Variants in MRPS5 observed in about 807,000 individuals in gnomAD.
MRPS5 encodes the protein mitochondrial ribosomal protein S5, also known as small ribosomal subunit protein uS5m.
A neutral mutation model predicts 51.9 loss-of-function variants in MRPS5; 27 were observed. The observed-to-expected ratio is 0.52, with a 90% CI of 0.38 to 0.72. The LOEUF is 0.72. Among genes scored for constraint, MRPS5 ranks in the 30% least tolerant of loss-of-function variants. The pLI is 0.00. For synonymous variants in MRPS5, 196 were observed against 193.2 expected (o/e 1.01, Z -0.12); for missense variants, 570 against 545.7 (o/e 1.04, Z -0.44).
chr2:95,105,466 C>T (rs564020647), intron 6 of MRPS5, among the ~76,000 whole-genome samples: 31 of 151,854 alleles, frequency 2.0e-4, no homozygotes, highest in South Asian at 8.3e-4. Context: ...AGGAGAATGG[C>T]GTCAACCCGG....
chr2:95,108,984 A>G (rs960261037), intron 4 of MRPS5, among the ~76,000 whole-genome samples: 5 of 152,050 alleles, frequency 3.3e-5, no homozygotes, highest in African/African-American at 1.2e-4. Context: ...ATGTATAAAT[A>G]CCTAAAATTT....
At chr2:95,095,349 G>A (rs1675592877) in intron 10 of MRPS5, among the ~76,000 whole-genome samples, 1 of 150,590 alleles carries the variant, frequency 6.6e-6, no homozygotes, top group African/African-American at 2.4e-5. Context: ...TATCCAGGAA[G>A]CAGACCTAAT....
rs1237542625 is a variant in MRPS5 at position 95,085,812 on chromosome 2, A to AG, written c.*1544dup. 6.6e-6 allele frequency among the ~76,000 whole-genome samples: 1 copy of AG among 152,236 alleles called. No individual in the cohort carries two copies. The highest frequency in any genetic ancestry group is 6.5e-5 in the Admixed American group (1 of 15,284). On this transcript the variant is annotated 3_prime_UTR_variant, in exon 12 of 12. Transcript: ENST00000272418. ...GTGAAGATGACCAGGATACAGCCAAAGTCACTCATCATAACAAGAACTAGG... is the reference window on the plus strand; with the variant it reads ...GTGAAGATGACCAGGATACAGCCAAAGGTCACTCATCATAACAAGAACTAGG...
chr2:95,098,918 A>T (rs1378403537), intron 10 of MRPS5, among the ~76,000 whole-genome samples: 1 of 52,574 alleles, frequency 1.9e-5, no homozygotes, highest in Non-Finnish European at 3.4e-5. Context: ...TATTATTATT[A>T]TTATTTTTTT....
Position 95,088,023 on chromosome 2 carries a change from A to G in MRPS5, c.1069-442T>C, listed in dbSNP as rs537907057. ...AACCTGGTTTCCTCAACAAAAAATC[A>G]TAAGCGGGGCGGGGGTGGGGGAAGA... On this transcript the variant is annotated intron_variant, in intron 11 of 11. Coordinates refer to ENST00000272418, the MANE Select transcript of MRPS5 (RefSeq NM_031902.5). 5.9e-3 allele frequency among the ~76,000 whole-genome samples: 627 copies of G among 105,556 alleles called. 4 individuals are homozygous for G. The highest frequency in any genetic ancestry group is 0.022 in the African/African-American group (593 of 27,364). 69.2% of individuals were successfully genotyped at this position (105,556 alleles called of 152,430 possible).
chr2:95,110,098 G>T, intron 3 of MRPS5, 57 bp from the exon 4 acceptor site: 1 of 1,580,768 alleles, frequency 6.3e-7, no homozygotes, highest in Admixed American at 1.9e-5. Context: ...AATGGTCTAT[G>T]ATCTCCTATT....
intron 10 of MRPS5, among the ~76,000 whole-genome samples, chr2:95,098,318 G>C (rs1406865541): frequency 1.3e-5 from 2 of 152,192 alleles, no homozygotes; most frequent in Non-Finnish European, 2.9e-5. Context: ...AATACCATTT[G>C]ACCCAGCCAT....
At chr2:95,121,909 T>G, upstream of MRPS5, 1 of 1,187,550 alleles carries the variant, frequency 8.4e-7, no homozygotes, top group Non-Finnish European at 1.1e-6. Flanking sequence ...GAGGCCCGAG[T>G]CCACGCAGCA....
At chr2:95,104,503 GA>G in intron 7 of MRPS5, 136 bp downstream of exon 7, 1 of 852,280 alleles carries the variant, frequency 1.2e-6, no homozygotes, top group Non-Finnish European at 2.0e-6. Context: ...CAAGCTTTGT[GA>G]ACCCAAACCA....
At chr2:95,118,655 C>T (rs993581748) in intron 1 of MRPS5, among the ~76,000 whole-genome samples, 8 of 152,192 alleles carry the variant, frequency 5.3e-5, no homozygotes, top group Non-Finnish European at 1.0e-4. Context: ...TACTGTGTAC[C>T]CTCTCACACA....
chr2:95,115,649 G>A (rs1676265760), intron 2 of MRPS5, among the ~76,000 whole-genome samples: 1 of 152,218 alleles, frequency 6.6e-6, no homozygotes, highest in Non-Finnish European at 1.5e-5. Context: ...GAGTGGGTGT[G>A]AATGCATTTT....
chr2:95,093,194 A>G (rs1247998723), intron 10 of MRPS5: 2 of 152,380 alleles, frequency 1.3e-5, no homozygotes, highest in Non-Finnish European at 2.9e-5. Flanking sequence ...AGGTAAACAA[A>G]GCGGCCAGGA....
intron 2 of MRPS5, among the ~76,000 whole-genome samples, chr2:95,115,526 G>A (rs1464308045): frequency 6.6e-6 from 1 of 152,188 alleles, no homozygotes; most frequent in Non-Finnish European, 1.5e-5. Flanking sequence ...GGCGCCCTCT[G>A]CTGTAAACAG....
At chr2:95,096,062 C>T (rs547601423) in intron 10 of MRPS5, among the ~76,000 whole-genome samples, 3 of 152,236 alleles carry the variant, frequency 2.0e-5, no homozygotes, top group East Asian at 3.9e-4. Flanking sequence ...AACACCTCTA[C>T]ACAAATAAAC....
At position 95,086,728 on chromosome 2, in the gene MRPS5, A is replaced by G. The variant is rs1675300757; in HGVS notation, c.*629T>C. On this transcript the variant is annotated 3_prime_UTR_variant, in exon 12 of 12. Transcript: ENST00000272418. Reference sequence around the variant, plus strand: ...AGAAACTATAAGGAACTCAATAATAATAAAAAATAACTTTTTAAATGGGCA... The same window carrying G: ...AGAAACTATAAGGAACTCAATAATAGTAAAAAATAACTTTTTAAATGGGCA... 6.6e-6 allele frequency among the ~76,000 whole-genome samples: 1 copy of G among 152,234 alleles called. No homozygotes were observed. The highest frequency in any genetic ancestry group is 1.5e-5 in the Non-Finnish European group (1 of 68,048).
chr2:95,092,951 C>T (rs1675511025), intron 10 of MRPS5: 1 of 152,204 alleles, frequency 6.6e-6, no homozygotes, highest in African/African-American at 2.4e-5. Context: ...CCTTGCCTAG[C>T]CAAGGGAAGC....
chr2:95,117,730 C>T (rs1676324276), intron 2 of MRPS5, 135 bp downstream of exon 2: 1 of 702,660 alleles, frequency 1.4e-6, no homozygotes, highest in Admixed American at 3.3e-5. Context: ...TGCAGTAAGA[C>T]TAACCAGGCT....
intron 10 of MRPS5, among the ~76,000 whole-genome samples, chr2:95,094,722 T>C (rs1280962176): frequency 2.6e-5 from 4 of 152,110 alleles, no homozygotes; most frequent in Non-Finnish European, 5.9e-5. Flanking sequence ...CAAGAACTCC[T>C]GAAGGAAGCA....
chr2:95,106,377 CAACCTCT>C, intron 6 of MRPS5, 39 bp downstream of exon 6: 1 of 1,413,690 alleles, frequency 7.1e-7, no homozygotes, highest in Non-Finnish European at 1.0e-6. Context: ...CCACCCACCC[CAACCTCT>C]CCAAAGGCTT....
Sources: gnomAD v4.1 joint callset for allele counts (sites outside exome capture counted in the v4.1 genomes callset) on GRCh38, gnomAD v4.1.1 for gene constraint, MANE v1.5 for transcripts, NCBI Gene and HGNC (gene_info 2026-07-23, HGNC 2026-07-21) for gene names.